Variants in MCTP1 observed in about 807,000 individuals in gnomAD.
The protein encoded by MCTP1 is multiple C2 and transmembrane domain-containing protein 1.
In MCTP1, 69 loss-of-function variants were observed where a neutral mutation model predicts 120.6. The observed-to-expected ratio is 0.57, with a 90% CI of 0.47 to 0.70. The LOEUF is 0.70. Among genes scored for constraint, MCTP1 ranks in the 30% least tolerant of loss-of-function variants. The probability of loss-of-function intolerance (pLI) is 0.00; values close to 1 mark genes in which losing one functional copy is unlikely to be tolerated. For synonymous variants in MCTP1, 529 were observed against 493.1 expected (o/e 1.07, Z -0.96); for missense variants, 1,203 against 1,248.8 (o/e 0.96, Z 0.55).
rs1318203011 is a variant in MCTP1, at chr5:94,704,321, G to A, written c.*3175C>T. On this transcript the variant is annotated 3_prime_UTR_variant, in exon 23 of 23. Transcript: ENST00000515393. The stretch of plus-strand genomic sequence containing the variant: ...AGTATAATGGTAGCTGTCTTTACTT[G>A]TATTTCTGGAGCAAAAAGGTATAAC... 6.6e-6 allele frequency: 1 copy of A among 151,490 alleles called. No homozygotes were observed. The highest frequency in any genetic ancestry group is 2.1e-4 in the South Asian group (1 of 4,822). 9.4% of individuals were successfully genotyped at this position (151,490 alleles called of 1,614,324 possible). A position where few individuals can be genotyped will look rare whatever the true frequency, so the allele number is the denominator to read the frequency against.
At chr5:94,899,388 G>A (rs1032611108) in intron 10 of MCTP1, among the ~76,000 whole-genome samples, 1 of 152,194 alleles carries the variant, frequency 6.6e-6, no homozygotes, top group African/African-American at 2.4e-5. Flanking sequence ...AACTGACTGT[G>A]CTTGGGTCCT....
chr5:94,947,569 TATATATATAGAG>T (rs1261066288), intron 3 of MCTP1, among the ~76,000 whole-genome samples: 2 of 51,292 alleles, frequency 3.9e-5, no homozygotes, highest in East Asian at 1.1e-3. Flanking sequence ...TATATATATA[TATATATATAGAG>T]AGAGAGAGAG....
chr5:95,094,703 T>C (rs1392114727), intron 1 of MCTP1, among the ~76,000 whole-genome samples: 1 of 152,190 alleles, frequency 6.6e-6, no homozygotes, highest in African/African-American at 2.4e-5. Flanking sequence ...TAATCTGATT[T>C]TGATAAATAC....
intron 1 of MCTP1, among the ~76,000 whole-genome samples, chr5:95,245,301 G>A (rs2152686938): frequency 6.6e-6 from 1 of 152,292 alleles, no homozygotes; most frequent in East Asian, 1.9e-4. Context: ...CGCCAGCAAG[G>A]GAACAAAGCT....
intron 1 of MCTP1, among the ~76,000 whole-genome samples, chr5:95,248,149 C>A (rs190879450): frequency 6.6e-6 from 1 of 152,220 alleles, no homozygotes; most frequent in East Asian, 1.9e-4. Context: ...TCCTATTCAA[C>A]ATAGTATTGG....
At position 94,934,562 on chromosome 5, in the gene MCTP1, C is replaced by T. The variant is rs144899735; in HGVS notation, c.1174-2571G>A. ...TAATTTTTATCTTTTGTTGAAGTGACTTTTTAAGGCGATTATATAACTACT... is the reference window on the plus strand; with the variant it reads ...TAATTTTTATCTTTTGTTGAAGTGATTTTTTAAGGCGATTATATAACTACT... On this transcript the variant is annotated intron_variant, in intron 5 of 22. Transcript: ENST00000515393. 3.0e-3 allele frequency among the ~76,000 whole-genome samples: 452 copies of T among 151,636 alleles called. 2 individuals are homozygous for T. The highest frequency in any genetic ancestry group is 0.01 in the African/African-American group (420 of 41,438).
Position 94,707,544 on chromosome 5 carries a change from T to C in MCTP1, c.2952A>G (p.Pro984=), listed in dbSNP as rs764500554. 4.3e-6 allele frequency: 7 copies of C among 1,611,824 alleles called. No homozygotes were observed. In the African/African-American group the frequency reaches 9.4e-5, roughly 22 times the overall value. Residue 984 remains proline, a synonymous_variant, in exon 23 of 23, where the codon CCA becomes CCG. Coordinates refer to ENST00000515393, the MANE Select transcript of MCTP1 (RefSeq NM_024717.7). ...TTTTATATGGGCTATGAGAAGGATC[T>C]GGTTTCAGTTCTTGGTATTGCACCT... ...VQVVQYQELK[P]DPSHSPYKRK...
chr5:94,956,958 T>C (rs1822794625), intron 2 of MCTP1, among the ~76,000 whole-genome samples: 1 of 152,082 alleles, frequency 6.6e-6, no homozygotes, highest in African/African-American at 2.4e-5. Flanking sequence ...CCAAGACACA[T>C]AATCGTCAGA....
chr5:95,221,354 T>C (rs1253041044), intron 1 of MCTP1, among the ~76,000 whole-genome samples: 2 of 152,254 alleles, frequency 1.3e-5, no homozygotes, highest in African/African-American at 4.8e-5. Flanking sequence ...AGCATTTTCA[T>C]AAGCCTAAAT....
chr5:95,178,380 T>C (rs1461135508), intron 1 of MCTP1, among the ~76,000 whole-genome samples: 3 of 152,226 alleles, frequency 2.0e-5, no homozygotes, highest in Non-Finnish European at 4.4e-5. Flanking sequence ...GACAGAGTCT[T>C]GCTCTGTCGC....
At chr5:95,123,388 T>C (rs1021991194) in intron 1 of MCTP1, among the ~76,000 whole-genome samples, 1 of 152,228 alleles carries the variant, frequency 6.6e-6, no homozygotes, top group Non-Finnish European at 1.5e-5. Context: ...ATTTATGAGC[T>C]TAGACTCATT....
intron 1 of MCTP1, among the ~76,000 whole-genome samples, chr5:95,267,978 C>T (rs1185406020): frequency 1.3e-4 from 20 of 152,242 alleles, no homozygotes; most frequent in Admixed American, 1.3e-3. Flanking sequence ...AGAAATCTGA[C>T]CAACTCCTAT....
At chr5:95,158,381 A>C (rs1375168089) in intron 1 of MCTP1, among the ~76,000 whole-genome samples, 2 of 152,190 alleles carry the variant, frequency 1.3e-5, no homozygotes, top group East Asian at 3.8e-4. Context: ...GTACAAATTA[A>C]CTTGAGAGCC....
intron 1 of MCTP1, among the ~76,000 whole-genome samples, chr5:95,197,446 G>T (rs1158480691): frequency 2.0e-5 from 3 of 152,108 alleles, no homozygotes; most frequent in Non-Finnish European, 4.4e-5. Context: ...AAAAGCAAAA[G>T]CTGGAAGCAA....
At chr5:94,963,974 T>G (rs1824989255) in intron 2 of MCTP1, among the ~76,000 whole-genome samples, 1 of 152,232 alleles carries the variant, frequency 6.6e-6, no homozygotes, top group African/African-American at 2.4e-5. Flanking sequence ...TTAATCTATT[T>G]TGAATTGATA....
At chr5:95,156,478 G>A (rs941527353) in intron 1 of MCTP1, among the ~76,000 whole-genome samples, 17 of 152,148 alleles carry the variant, frequency 1.1e-4, no homozygotes, top group Admixed American at 3.9e-4. Flanking sequence ...GTGAGTTTCC[G>A]TTTAAGCAAT....
rs1028344170 is a variant in MCTP1 at position 94,778,965 on chromosome 5, G to A, written c.2610+145C>T. 25 of 678,296 alleles carry A rather than the reference G, an allele frequency of 3.7e-5. 1 individual carries two copies. The highest frequency in any genetic ancestry group is 2.5e-4 in the Middle Eastern group (1 of 4,060). 42.0% of individuals were successfully genotyped at this position (678,296 alleles called of 1,614,324 possible). A position where few individuals can be genotyped will look rare whatever the true frequency, so the allele number is the denominator to read the frequency against. On this transcript the variant is annotated intron_variant, in intron 19 of 22. Transcript: ENST00000515393. ...AGCCTTCTCTCCCTCTTTGCAACAC[G>A]CAGTGGCATTGTTAGGATGATAAAC...
chr5:94,967,339 G>T (rs1158783023), intron 2 of MCTP1, among the ~76,000 whole-genome samples: 1 of 152,122 alleles, frequency 6.6e-6, no homozygotes, highest in Non-Finnish European at 1.5e-5. Context: ...TATTATATCA[G>T]CTATCACACA....
intron 10 of MCTP1, among the ~76,000 whole-genome samples, chr5:94,908,371 TA>T (rs968326266): frequency 8.6e-5 from 13 of 151,774 alleles, no homozygotes; most frequent in South Asian, 2.1e-4. Context: ...AACTGCATCA[TA>T]AAAAAAATCA....
Sources: allele counts gnomAD v4.1 joint callset (sites outside exome capture counted in the v4.1 genomes callset), GRCh38; gene constraint gnomAD v4.1.1; transcripts MANE v1.5; gene names NCBI Gene and HGNC (gene_info 2026-07-23, HGNC 2026-07-21).